The following CDH4 variants were observed in gnomAD, a reference collection of about 807,000 sequenced individuals.
CDH4 encodes cadherin-4.
Under a neutral mutation model 86.0 loss-of-function variants are expected in CDH4, and 33 were observed. The observed-to-expected ratio is 0.38, with a 90% CI of 0.29 to 0.51. The LOEUF (loss-of-function observed/expected upper bound fraction) is 0.51. Among genes scored for constraint, CDH4 ranks in the 20% least tolerant of loss-of-function variants. CDH4 has a pLI of 0.86. For synonymous variants in CDH4, 555 were observed against 549.4 expected (o/e 1.01, Z -0.14); for missense variants, 1,114 against 1,307.4 (o/e 0.85, Z 2.28).
intron 2 of CDH4, among the ~76,000 whole-genome samples, chr20:61,443,617 G>T (rs2427101): frequency 0.62 from 94,321 of 152,080 alleles, 30,184 homozygotes; most frequent in African/African-American, 0.79. Flanking sequence ...CATTATTTTC[G>T]CAAGGAAAGC....
intron 2 of CDH4, among the ~76,000 whole-genome samples, chr20:61,394,080 A>G (rs1217539264): frequency 3.3e-5 from 5 of 152,150 alleles, no homozygotes; most frequent in Admixed American, 3.3e-4. Flanking sequence ...TTGAAATGTG[A>G]GAGCAGGAAG....
At chr20:61,896,715 G>A (rs1444446846) in intron 8 of CDH4, among the ~76,000 whole-genome samples, 3 of 152,210 alleles carry the variant, frequency 2.0e-5, no homozygotes, top group African/African-American at 2.4e-5. Flanking sequence ...GCTCTCTTCC[G>A]GCCAGTGAGC....
chr20:61,748,395 A>G (rs553621953), intron 3 of CDH4, among the ~76,000 whole-genome samples: 7 of 152,316 alleles, frequency 4.6e-5, no homozygotes, highest in African/African-American at 9.6e-5. Context: ...CCTCCCAAGG[A>G]ATATCTTAAA....
chr20:61,604,711 G>T lies in CDH4; in HGVS notation c.170-138852G>T, dbSNP rs897534942. On this transcript the variant is annotated intron_variant, in intron 2 of 15. Coordinates refer to ENST00000614565, the MANE Select transcript of CDH4 (RefSeq NM_001794.5). Reference sequence around the variant, plus strand: ...ATGCATCCCTCTAACACACAGACACGTGTAGATTTGTTTTTCCTGTCATTT... The same window carrying T: ...ATGCATCCCTCTAACACACAGACACTTGTAGATTTGTTTTTCCTGTCATTT... Among the ~76,000 whole-genome samples the T allele has an allele frequency of 2.6e-5, 4 of 152,094 alleles. No homozygotes were observed. In the East Asian group the frequency reaches 7.7e-4, roughly 29 times the overall value.
rs2088658375 is a variant in CDH4 at position 61,763,203 on chromosome 20, C to G, written c.397-9800C>G. Among the ~76,000 whole-genome samples the G allele has an allele frequency of 2.6e-5, 4 of 152,274 alleles. No homozygotes were observed. The South Asian group carries it at 8.3e-4, about 32-fold the overall frequency. ...GTGTCAGGGAATTTGAAGCAATTTC[C>G]ATGTTTTTGCCATCTCTTGAGGGTA... On this transcript the variant is annotated intron_variant, in intron 3 of 15. Coordinates refer to ENST00000614565, the MANE Select transcript of CDH4 (RefSeq NM_001794.5).
intron 2 of CDH4, among the ~76,000 whole-genome samples, chr20:61,714,823 G>T (rs958358085): frequency 9.9e-5 from 15 of 152,188 alleles, no homozygotes; most frequent in Non-Finnish European, 1.9e-4. Flanking sequence ...ATGGGCACTT[G>T]GGTTGGTAAC....
intron 2 of CDH4, among the ~76,000 whole-genome samples, chr20:61,405,486 A>C (rs897265871): frequency 1.3e-5 from 2 of 152,022 alleles, no homozygotes; most frequent in Non-Finnish European, 2.9e-5. Context: ...AGTGTGGTAC[A>C]ACGACGCGCT....
intron 8 of CDH4, among the ~76,000 whole-genome samples, chr20:61,906,432 G>A (rs775979159): frequency 2.6e-5 from 4 of 152,254 alleles, no homozygotes; most frequent in Non-Finnish European, 5.9e-5. Context: ...TGACATGGCC[G>A]CAGGACCGGA....
chr20:61,922,603 C>T (rs1406408021), intron 9 of CDH4, among the ~76,000 whole-genome samples: 8 of 152,182 alleles, frequency 5.3e-5, no homozygotes, highest in Non-Finnish European at 1.2e-4. Context: ...ATCAAGGTGC[C>T]GGCAGGAACG....
chr20:61,467,432 CAT>C (rs1275982966), intron 2 of CDH4, among the ~76,000 whole-genome samples: 4 of 152,176 alleles, frequency 2.6e-5, no homozygotes, highest in South Asian at 2.1e-4. Flanking sequence ...TTCTCTGAAA[CAT>C]GTGTCTTGAG....
rs946230159 is a variant in CDH4, at chr20:61,761,905, C to T, written c.397-11098C>T. Reference sequence around the variant, plus strand: ...TCCTCATAAGCCATGCCGACAGCTCCGCACAGCAGGCAGCTCCGCACAGCA... The same window carrying T: ...TCCTCATAAGCCATGCCGACAGCTCTGCACAGCAGGCAGCTCCGCACAGCA... On this transcript the variant is annotated intron_variant, in intron 3 of 15. Coordinates refer to ENST00000614565, the MANE Select transcript of CDH4 (RefSeq NM_001794.5). Among the ~76,000 whole-genome samples, 5 of 152,064 alleles carry T rather than the reference C, an allele frequency of 3.3e-5. No homozygotes were observed. In the East Asian group the frequency reaches 5.8e-4, roughly 18 times the overall value.
At chr20:61,358,497 A>G (rs532357054) in intron 2 of CDH4, among the ~76,000 whole-genome samples, 5 of 152,368 alleles carry the variant, frequency 3.3e-5, no homozygotes, top group South Asian at 4.1e-4. Flanking sequence ...TGAATAAACT[A>G]TAAGCTTCCC....
intron 2 of CDH4, among the ~76,000 whole-genome samples, chr20:61,597,964 A>G (rs537326342): frequency 6.6e-6 from 1 of 152,280 alleles, no homozygotes; most frequent in South Asian, 2.1e-4. Context: ...TTTGCTTTAA[A>G]CACTTATTCA....
intron 2 of CDH4, among the ~76,000 whole-genome samples, chr20:61,376,240 G>T (rs1404463116): frequency 6.6e-6 from 1 of 152,032 alleles, no homozygotes; most frequent in Non-Finnish European, 1.5e-5. Context: ...TGCATTGATA[G>T]TGGTAGTAGT....
chr20:61,412,028 G>A (rs918704328), intron 2 of CDH4, among the ~76,000 whole-genome samples: 20 of 152,310 alleles, frequency 1.3e-4, no homozygotes, highest in African/African-American at 4.1e-4. Flanking sequence ...GATCAAGGCC[G>A]ACTCTGGATG....
At chr20:61,612,575 T>C (rs2086693487) in intron 2 of CDH4, among the ~76,000 whole-genome samples, 2 of 152,094 alleles carry the variant, frequency 1.3e-5, no homozygotes, top group South Asian at 4.1e-4. Flanking sequence ...CCATCAAACC[T>C]GACTTTGCCG....
intron 2 of CDH4, among the ~76,000 whole-genome samples, chr20:61,515,043 C>T (rs543518437): frequency 1.3e-5 from 2 of 152,362 alleles, no homozygotes; most frequent in Admixed American, 1.3e-4. Context: ...GGTTTCCTGC[C>T]AAAGTGCCAG....
intron 2 of CDH4, among the ~76,000 whole-genome samples, chr20:61,371,030 G>T (rs946412658): frequency 6.6e-6 from 1 of 152,260 alleles, no homozygotes; most frequent in Non-Finnish European, 1.5e-5. Context: ...CAGCCTGGGG[G>T]ATTTTTTATT....
At chr20:61,845,106 T>C (rs772674801) in intron 5 of CDH4, among the ~76,000 whole-genome samples, 5 of 152,170 alleles carry the variant, frequency 3.3e-5, no homozygotes, top group Non-Finnish European at 5.9e-5. Context: ...GGAGAACTAC[T>C]GGTCCAGAAG....
Sources: gnomAD v4.1 joint callset for allele counts (sites outside exome capture counted in the v4.1 genomes callset) on GRCh38, gnomAD v4.1.1 for gene constraint, MANE v1.5 for transcripts, NCBI Gene and HGNC (gene_info 2026-07-23, HGNC 2026-07-21) for gene names.